DRC9: variants seen among roughly 807,000 people sequenced by gnomAD.
The protein encoded by DRC9 is dynein regulatory complex protein 9.
the DRC9 span, among the ~76,000 whole-genome samples, chr3:197,909,877 C>T: frequency 1.3e-5 from 2 of 152,116 alleles, no homozygotes; most frequent in East Asian, 3.9e-4. Context: ...CATGTAATCC[C>T]AGCTACTCGG....
chr3:197,933,845 C>G, the DRC9 span, among the ~76,000 whole-genome samples: 7 of 150,270 alleles, frequency 4.7e-5, no homozygotes, highest in Admixed American at 6.6e-5. Flanking sequence ...GAGACTCGCT[C>G]TGTTACCCAG....
the DRC9 span, among the ~76,000 whole-genome samples, chr3:197,933,626 G>GT: frequency 1.3e-5 from 2 of 151,562 alleles, no homozygotes; most frequent in African/African-American, 4.9e-5. Context: ...TAGAGACTTG[G>GT]TTTTTTTTAA....
At chr3:197,904,533 G>A in the DRC9 span, among the ~76,000 whole-genome samples, 1 of 152,256 alleles carries the variant, frequency 6.6e-6, no homozygotes, top group Admixed American at 6.5e-5. Context: ...GCCAAGATTT[G>A]GAAGCAATGT....
At chr3:197,957,665 TG>T in the DRC9 span, 2 of 152,102 alleles carry the variant, frequency 1.3e-5, no homozygotes, top group African/African-American at 4.8e-5. Flanking sequence ...AGTTGGAAGT[TG>T]TATATTAGAA....
the DRC9 span, among the ~76,000 whole-genome samples, chr3:197,937,467 CTCT>C: frequency 6.6e-6 from 1 of 151,406 alleles, no homozygotes; most frequent in African/African-American, 2.4e-5. Context: ...TTTTTCTTTT[CTCT>C]TTTTTTTTTT....
At chr3:197,948,287 C>T in the DRC9 span, among the ~76,000 whole-genome samples, 8 of 152,200 alleles carry the variant, frequency 5.3e-5, no homozygotes, top group African/African-American at 1.9e-4. Flanking sequence ...TCATCACCTG[C>T]AGTTTGAAAA....
chr3:197,890,493 G>T, the DRC9 span, among the ~76,000 whole-genome samples: 1 of 151,802 alleles, frequency 6.6e-6, no homozygotes, highest in African/African-American at 2.4e-5. Flanking sequence ...TTGCTTAAAA[G>T]ATCAGTTGTC....
the DRC9 span, among the ~76,000 whole-genome samples, chr3:197,917,405 T>A: frequency 6.6e-6 from 1 of 152,250 alleles, no homozygotes; most frequent in African/African-American, 2.4e-5. Context: ...ATCATTCTAA[T>A]TGTATGACAG....
the DRC9 span, chr3:197,951,004 A>AT: frequency 1.9e-6 from 3 of 1,612,058 alleles, no homozygotes; most frequent in Non-Finnish European, 2.5e-6. Context: ...ATAGTTCTTT[A>AT]TTTTTGTGTG....
chr3:197,950,783 G>A, the DRC9 span: 1 of 664,094 alleles, frequency 1.5e-6, no homozygotes, highest in Non-Finnish European at 2.6e-6. Flanking sequence ...GCCGGACCCT[G>A]CGTTTCATAT....
At chr3:197,957,984 G>A in the DRC9 span, 1 of 152,190 alleles carries the variant, frequency 6.6e-6, no homozygotes. Flanking sequence ...CCACATGAGA[G>A]GTCTCCTGTA....
chr3:197,924,651 C>A, the DRC9 span, among the ~76,000 whole-genome samples: 746 of 152,228 alleles, frequency 4.9e-3, 10 homozygotes, highest in African/African-American at 0.017. Context: ...TCCTGAATAG[C>A]TGGGACTACA....
At chr3:197,911,556 T>C in the DRC9 span, among the ~76,000 whole-genome samples, 1 of 152,194 alleles carries the variant, frequency 6.6e-6, no homozygotes, top group Admixed American at 6.5e-5. Context: ...AAAGAAACTG[T>C]AATAACATAA....
At chr3:197,944,003 C>T in the DRC9 span, 1 of 1,614,152 alleles carries the variant, frequency 6.2e-7, no homozygotes, top group East Asian at 2.2e-5. Flanking sequence ...ACACCGTCAT[C>T]TCAGAATGCC....
the DRC9 span, chr3:197,955,692 G>C: frequency 2.1e-6 from 3 of 1,406,974 alleles, no homozygotes; most frequent in Admixed American, 3.3e-5. Context: ...TACGGTTCTT[G>C]ATTTGTAGAC....
At chr3:197,899,126 C>A in the DRC9 span, among the ~76,000 whole-genome samples, 2 of 152,112 alleles carry the variant, frequency 1.3e-5, no homozygotes, top group South Asian at 2.1e-4. Flanking sequence ...GATCAATAAT[C>A]CTTTTTTTAC....
the DRC9 span, chr3:197,949,349 T>G: frequency 6.6e-6 from 1 of 152,224 alleles, no homozygotes; most frequent in African/African-American, 2.4e-5. Context: ...AATCCACCTC[T>G]ACAAGTATCT....
the DRC9 span, among the ~76,000 whole-genome samples, chr3:197,931,564 T>G: frequency 6.6e-6 from 1 of 152,248 alleles, no homozygotes; most frequent in South Asian, 2.1e-4. Context: ...AGAAAAACTT[T>G]CCTTGGCATT....
the DRC9 span, chr3:197,954,336 GTT>G: frequency 1.8e-6 from 1 of 560,076 alleles, no homozygotes; most frequent in Non-Finnish European, 3.1e-6. Flanking sequence ...TTTGTTTTTT[GTT>G]TTTTTTTTGG....
Sources: gnomAD v4.1 joint callset for allele counts (sites outside exome capture counted in the v4.1 genomes callset) on GRCh38, gnomAD v4.1.1 for gene constraint, MANE v1.5 for transcripts, NCBI Gene and HGNC (gene_info 2026-07-23, HGNC 2026-07-21) for gene names.